Variants in SYT16 observed in about 807,000 individuals in gnomAD.
SYT16 encodes the protein synaptotagmin 16, also known as synaptotagmin-16.
In SYT16, 42 loss-of-function variants were observed where a neutral mutation model predicts 61.4. The observed-to-expected ratio is 0.68, with a 90% CI of 0.53 to 0.89. The LOEUF (loss-of-function observed/expected upper bound fraction) is 0.89, where lower values mean the gene tolerates loss of function less well. Ranked by LOEUF, SYT16 falls within the 40% of genes least tolerant of loss-of-function variation. The pLI, the probability that SYT16 is intolerant of heterozygous loss-of-function variation, is 0.00. For synonymous variants in SYT16, 314 were observed against 302.3 expected (o/e 1.04, Z -0.40); for missense variants, 804 against 807.3 (o/e 1.00, Z 0.05).
At chr14:61,953,327 G>A (rs1437919162) in intron 1 of SYT16, among the ~76,000 whole-genome samples, 1 of 152,134 alleles carries the variant, frequency 6.6e-6, no homozygotes, top group Non-Finnish European at 1.5e-5. Flanking sequence ...AACATAAACT[G>A]TAGTATCTGT....
intron 1 of SYT16, among the ~76,000 whole-genome samples, chr14:61,848,544 C>A (rs1390656739): frequency 2.0e-5 from 3 of 152,148 alleles, no homozygotes; most frequent in African/African-American, 7.2e-5. Flanking sequence ...CAACACTGGG[C>A]CTCATTCAAG....
intron 1 of SYT16, among the ~76,000 whole-genome samples, chr14:61,940,198 AT>A (rs1211152226): frequency 6.6e-6 from 1 of 152,014 alleles, no homozygotes; most frequent in East Asian, 1.9e-4. Flanking sequence ...ATATTTTTGA[AT>A]TCTTTAACCT....
intron 1 of SYT16, among the ~76,000 whole-genome samples, chr14:61,825,682 TAAC>T (rs1003969604): frequency 2.0e-5 from 3 of 152,114 alleles, no homozygotes; most frequent in African/African-American, 7.2e-5. Context: ...GACTCTATCT[TAAC>T]AGCAACAAAG....
At chr14:61,964,827 A>G (rs894832210) in intron 1 of SYT16, among the ~76,000 whole-genome samples, 1 of 152,032 alleles carries the variant, frequency 6.6e-6, no homozygotes, top group African/African-American at 2.4e-5. Context: ...TGATCATTCA[A>G]CAGCCATAAC....
intron 1 of SYT16, among the ~76,000 whole-genome samples, chr14:61,908,211 G>A (rs2048798293): frequency 6.6e-6 from 1 of 152,184 alleles, no homozygotes; most frequent in Non-Finnish European, 1.5e-5. Flanking sequence ...TTAGCTGCTT[G>A]GTGAACTCAC....
At position 62,100,996 on chromosome 14, in the gene SYT16, G is replaced by T; in HGVS notation, c.*289G>T. 3.5e-6 allele frequency: 1 copy of T among 283,414 alleles called. No individual in the cohort carries two copies. The highest frequency in any genetic ancestry group is 2.2e-5 in the African/African-American group (1 of 45,846). 17.6% of individuals were successfully genotyped at this position (283,414 alleles called of 1,614,324 possible). ...AATAGATCATTGAGTTTTAGTTCAG[G>T]GTATGGGGTGAAGCTTCTTCTGCTG... is the stretch of plus-strand genomic sequence containing the variant. On this transcript the variant is annotated 3_prime_UTR_variant, in exon 8 of 8. Coordinates refer to ENST00000683842, the MANE Select transcript of SYT16 (RefSeq NM_001367656.1).
chr14:61,893,753 C>T (rs1302696454), intron 1 of SYT16, among the ~76,000 whole-genome samples: 1 of 152,136 alleles, frequency 6.6e-6, no homozygotes, highest in Non-Finnish European at 1.5e-5. Flanking sequence ...GTCACCATTC[C>T]AACCTCCCCA....
intron 1 of SYT16, among the ~76,000 whole-genome samples, chr14:61,823,526 C>T (rs949961416): frequency 6.3e-5 from 7 of 111,064 alleles, no homozygotes; most frequent in Admixed American, 4.9e-4. Context: ...GCCAGGAGTA[C>T]AAAACCAGCC....
chr14:62,000,099 A>ATTTTTTTTTTT lies in SYT16; in HGVS notation c.523+3576_523+3586dup. Among the ~76,000 whole-genome samples the ATTTTTTTTTTT allele has an allele frequency of 1.5e-3, 29 of 18,930 alleles. 2 individuals are homozygous for ATTTTTTTTTTT. Among genetic ancestry groups the ATTTTTTTTTTT allele is most frequent in the African/African-American group, 6.9e-3 (24 of 3,492 alleles). 12.4% of individuals were successfully genotyped at this position (18,930 alleles called of 152,430 possible). On this transcript the variant is annotated intron_variant, in intron 3 of 7. Transcript: ENST00000683842. ...TTTCTAATACTTATTTTGTCTCTCGATTTTTTTTTTTTTTTTTTTTTTTTT... is the reference window on the plus strand; with the variant it reads ...TTTCTAATACTTATTTTGTCTCTCGATTTTTTTTTTTTTTTTTTTTTTTTTTTTTTTTTTTT...
intron 1 of SYT16, among the ~76,000 whole-genome samples, chr14:61,892,977 G>C (rs538152728): frequency 1.3e-5 from 2 of 152,164 alleles, no homozygotes; most frequent in South Asian, 4.2e-4. Context: ...CCTCAGTGTG[G>C]TGACTCAGGT....
At chr14:61,881,892 C>G (rs1036347666) in intron 1 of SYT16, among the ~76,000 whole-genome samples, 4 of 152,190 alleles carry the variant, frequency 2.6e-5, no homozygotes, top group Non-Finnish European at 4.4e-5. Context: ...AAGCCAGAAA[C>G]CTTAACTCCT....
intron 3 of SYT16, among the ~76,000 whole-genome samples, chr14:62,023,887 A>AAACATGTGC (rs930927632): frequency 6.6e-6 from 1 of 152,110 alleles, no homozygotes; most frequent in Non-Finnish European, 1.5e-5. Flanking sequence ...ATTCTTTTTC[A>AAACATGTGC]AACATGTGCT....
intron 1 of SYT16, among the ~76,000 whole-genome samples, chr14:61,855,212 A>G (rs1180982693): frequency 6.6e-6 from 1 of 152,196 alleles, no homozygotes; most frequent in African/African-American, 2.4e-5. Context: ...TCTGAGTCCA[A>G]GTTAATTTCC....
At chr14:62,004,424 A>G (rs569400005) in intron 3 of SYT16, among the ~76,000 whole-genome samples, 64 of 152,232 alleles carry the variant, frequency 4.2e-4, no homozygotes, top group African/African-American at 1.5e-3. Flanking sequence ...ACAATTCAAG[A>G]TGAGGTTTGA....
chr14:61,938,142 TA>T (rs1566697226), intron 1 of SYT16, among the ~76,000 whole-genome samples: 5 of 151,852 alleles, frequency 3.3e-5, no homozygotes, highest in Non-Finnish European at 5.9e-5. Flanking sequence ...TACCGAAGGA[TA>T]AAGAACTTTT....
intron 3 of SYT16, among the ~76,000 whole-genome samples, chr14:62,047,938 T>C (rs550139823): frequency 7.6e-4 from 116 of 152,274 alleles, no homozygotes; most frequent in African/African-American, 2.6e-3. Flanking sequence ...AAAATTCTCT[T>C]TTTTTTGTTG....
intron 1 of SYT16, among the ~76,000 whole-genome samples, chr14:61,874,735 A>G (rs1313582893): frequency 6.6e-6 from 1 of 152,046 alleles, no homozygotes; most frequent in Non-Finnish European, 1.5e-5. Flanking sequence ...CTAGTTTTAT[A>G]GAATTTAACA....
At chr14:62,050,334 A>T (rs2055216215) in intron 3 of SYT16, among the ~76,000 whole-genome samples, 1 of 152,086 alleles carries the variant, frequency 6.6e-6, no homozygotes, top group Non-Finnish European at 1.5e-5. Context: ...AGGTCTTTTA[A>T]GGACTTCTCT....
chr14:61,834,428 C>CATT (rs1555345830), intron 1 of SYT16, among the ~76,000 whole-genome samples: 1 of 76,852 alleles, frequency 1.3e-5, no homozygotes, highest in Non-Finnish European at 2.3e-5. Flanking sequence ...CCGTGCCTGG[C>CATT]TTTTTTTTTT....
Sources: allele counts gnomAD v4.1 joint callset (sites outside exome capture counted in the v4.1 genomes callset), GRCh38; gene constraint gnomAD v4.1.1; transcripts MANE v1.5; gene names NCBI Gene and HGNC (gene_info 2026-07-23, HGNC 2026-07-21).